The following IPO5 variants were observed in gnomAD, a reference collection of about 807,000 sequenced individuals.
IPO5 encodes importin 5, also known as importin-5.
IPO5 carries 18 observed loss-of-function variants against 143.3 expected under a neutral mutation model. The ratio of observed to expected loss-of-function variants is 0.13; its 90% CI spans 0.09 to 0.19. The LOEUF is 0.19. Ranked by LOEUF, IPO5 falls within the 10% of genes least tolerant of loss-of-function variation. IPO5 has a pLI of 1.00. For synonymous variants in IPO5, 477 were observed against 465.7 expected (o/e 1.02, Z -0.31); for missense variants, 1,013 against 1,336.9 (o/e 0.76, Z 3.78).
At chr13:97,976,875 G>C (rs1373284481) in intron 4 of IPO5, 89 bp downstream of exon 4, 1 of 314,980 alleles carries the variant, frequency 3.2e-6, no homozygotes. Flanking sequence ...CGGCCGGTCC[G>C]CGGCGGCCGC....
At chr13:97,954,005 T>TATCC (rs1175974905) in intron 1 of IPO5, 114 bp from the exon 2 acceptor site, 3 of 431,304 alleles carry the variant, frequency 7.0e-6, no homozygotes, top group South Asian at 5.1e-5. Context: ...ACTAACTCTG[T>TATCC]ATCCTTAAGG....
intron 11 of IPO5, among the ~76,000 whole-genome samples, chr13:97,994,483 A>T (rs950909299): frequency 6.6e-6 from 1 of 152,204 alleles, no homozygotes; most frequent in African/African-American, 2.4e-5. Context: ...CATTTAGAAA[A>T]TTTTATAGGC....
chr13:97,976,056 C>T, intron 3 of IPO5: 2 of 746,942 alleles, frequency 2.7e-6, no homozygotes, highest in Non-Finnish European at 3.3e-6. Flanking sequence ...AGGGCTGGAT[C>T]CCAGGGAGCG....
At chr13:97,983,747 T>A (rs1241983284) in intron 5 of IPO5, among the ~76,000 whole-genome samples, 7 of 152,070 alleles carry the variant, frequency 4.6e-5, no homozygotes, top group Non-Finnish European at 7.4e-5. Context: ...TGGAAATAAG[T>A]CACACTAAAC....
At chr13:97,985,684 A>C (rs1424528467) in intron 6 of IPO5, 71 bp downstream of exon 6, 1 of 982,856 alleles carries the variant, frequency 1.0e-6, no homozygotes, top group South Asian at 1.4e-5. Context: ...TTTTAATGGA[A>C]TCTTTTAGAG....
At position 98,010,272 on chromosome 13, in the gene IPO5, C is replaced by G. The variant is rs373467616; in HGVS notation, c.2055+48C>G. ...AAACTTTTATTTTACATCTTATATA[C>G]ATTTCATATGAGTGCTTTTAATAGC... On this transcript the variant is annotated intron_variant, in intron 20 of 28. Transcript: ENST00000651721. 10 of 1,542,822 alleles carry G rather than the reference C, an allele frequency of 6.5e-6. No individual in the cohort carries two copies. The African/African-American group carries it at 9.6e-5, about 15-fold the overall frequency.
Position 97,970,532 on chromosome 13 carries a change from A to T in IPO5, c.-5+702A>T, listed in dbSNP as rs552193548. Among the ~76,000 whole-genome samples, 4 of 152,276 alleles carry T rather than the reference A, an allele frequency of 2.6e-5. No individual in the cohort carries two copies. In the East Asian group the frequency reaches 7.7e-4, roughly 29 times the overall value. ...GCTACTTGGGGGGCTGAGGCAGGAG[A>T]ATCGCTTGAACCCGGGAGGCAGAGG... On this transcript the variant is annotated intron_variant, in intron 3 of 28. Coordinates refer to ENST00000651721, the MANE Select transcript of IPO5 (RefSeq NM_002271.6).
intron 9 of IPO5, among the ~76,000 whole-genome samples, chr13:97,991,738 G>A (rs939283252): frequency 6.6e-6 from 1 of 152,140 alleles, no homozygotes; most frequent in Non-Finnish European, 1.5e-5. Context: ...TACATTGGAG[G>A]GGGGGATAAC....
chr13:97,999,947 C>G (rs1393546982), intron 12 of IPO5, among the ~76,000 whole-genome samples: 1 of 152,122 alleles, frequency 6.6e-6, no homozygotes, highest in South Asian at 2.1e-4. Flanking sequence ...GAAGCTATTT[C>G]TGAGAACAGT....
In IPO5 at chr13:98,019,750, A is replaced by G. The variant is rs1890352952; in HGVS notation, c.3006A>G (p.Leu1002=). Residue 1002 remains leucine, a synonymous_variant, in exon 27 of 29, where the codon CTA becomes CTG. Transcript: ENST00000651721. ...CACACTGGTTGTCTTGGCTTCCACTACATGAAGATAAAGAAGAAGCTGTTC... is the reference window on the plus strand; with the variant it reads ...CACACTGGTTGTCTTGGCTTCCACTGCATGAAGATAAAGAAGAAGCTGTTC... The part of the protein sequence containing the change: ...VLPHWLSWLP[L]HEDKEEAVQT... The G allele has an allele frequency of 6.2e-7, 1 of 1,614,068 alleles. No individual in the cohort carries two copies. The highest frequency in any genetic ancestry group is 2.2e-5 in the East Asian group (1 of 44,864).
chr13:98,010,798 T>TTTTTTTTTTTTTTA (rs1555311050), intron 20 of IPO5, among the ~76,000 whole-genome samples: 1 of 143,662 alleles, frequency 7.0e-6, no homozygotes, highest in African/African-American at 2.7e-5. Flanking sequence ...TTTTTTTTTT[T>TTTTTTTTTTTTTTA]GAGGTGGAGT....
At chr13:98,017,910 G>T (rs1185369353) in intron 25 of IPO5, among the ~76,000 whole-genome samples, 1 of 151,510 alleles carries the variant, frequency 6.6e-6, no homozygotes, top group East Asian at 1.9e-4. Flanking sequence ...CTTGTGATCC[G>T]CCCACTTTGG....
intron 26 of IPO5, 149 bp from the exon 27 acceptor site, chr13:98,019,432 G>A (rs1276727526): frequency 1.6e-6 from 1 of 638,942 alleles, no homozygotes; most frequent in East Asian, 2.8e-5. Context: ...TTGCCATTCT[G>A]TAATGACATA....
At chr13:97,999,906 T>TA (rs1193920594) in intron 12 of IPO5, among the ~76,000 whole-genome samples, 2 of 152,244 alleles carry the variant, frequency 1.3e-5, no homozygotes, top group Non-Finnish European at 2.9e-5. Context: ...GCTCTTTCAA[T>TA]ACTGCTTTTA....
intron 9 of IPO5, among the ~76,000 whole-genome samples, chr13:97,991,061 T>A (rs946661623): frequency 1.3e-5 from 2 of 152,070 alleles, no homozygotes; most frequent in Non-Finnish European, 2.9e-5. Context: ...GGGAAAAAAA[T>A]TTTATATTAA....
At chr13:97,969,171 ATATATTTTTTTTTT>A (rs1156596088) in intron 2 of IPO5, among the ~76,000 whole-genome samples, 23 of 71,248 alleles carry the variant, frequency 3.2e-4, no homozygotes, top group African/African-American at 1.7e-3. Flanking sequence ...ATATATATAT[ATATATTTTTTTTTT>A]TTTTTTTTTT....
rs1888891658 is a variant in IPO5 at position 98,002,471 on chromosome 13, C to G, written c.1113C>G (p.Asp371Glu). 3.1e-6 allele frequency: 5 copies of G among 1,613,302 alleles called. No individual in the cohort carries two copies. Among genetic ancestry groups the G allele is most frequent in the Non-Finnish European group, 4.2e-6 (5 of 1,179,808 alleles). ...EHIMQMLQNP[D>E]WKYRHAGLMA... Reference sequence around the variant, plus strand: ...ATCTGTAATTTTTTTCGGTAGCTGACTGGAAATACCGGCATGCAGGATTGA... The same window carrying G: ...ATCTGTAATTTTTTTCGGTAGCTGAGTGGAAATACCGGCATGCAGGATTGA... The change falls in exon 14 of 29, where the codon GAC becomes GAG. Residue 371 changes from aspartate to glutamate, a missense_variant. Asp to Glu is a conservative substitution (Grantham distance 45, BLOSUM62 2). Coordinates refer to ENST00000651721, the MANE Select transcript of IPO5 (RefSeq NM_002271.6).
At chr13:97,958,361 T>A (rs1293221970) in intron 2 of IPO5, among the ~76,000 whole-genome samples, 5 of 152,074 alleles carry the variant, frequency 3.3e-5, no homozygotes, top group Non-Finnish European at 7.4e-5. Flanking sequence ...AAACACCTCC[T>A]TCTCATCTTA....
chr13:97,976,669 T>C, intron 3 of IPO5, 24 bp from the exon 4 acceptor site: 2 of 1,174,350 alleles, frequency 1.7e-6, no homozygotes. Context: ...CTGTCTCCCC[T>C]CCCTCCTTCT....
Sources: gnomAD v4.1 joint callset for allele counts (sites outside exome capture counted in the v4.1 genomes callset) on GRCh38, gnomAD v4.1.1 for gene constraint, MANE v1.5 for transcripts, NCBI Gene and HGNC (gene_info 2026-07-23, HGNC 2026-07-21) for gene names.